NRXN3: variants seen among roughly 807,000 people sequenced by gnomAD.
NRXN3 encodes neurexin III.
Under a neutral mutation model 137.6 loss-of-function variants are expected in NRXN3, and 32 were observed. The ratio of observed to expected loss-of-function variants is 0.23; its 90% CI spans 0.18 to 0.31. The LOEUF (loss-of-function observed/expected upper bound fraction) is 0.31, where lower values mean the gene tolerates loss of function less well. Ranked by LOEUF, NRXN3 falls within the 10% of genes least tolerant of loss-of-function variation. The pLI is 1.00. For synonymous variants in NRXN3, 798 were observed against 784.5 expected, an observed-to-expected ratio of 1.02 and a Z score of -0.29; for missense variants, 1,574 against 2,062.5, an observed-to-expected ratio of 0.76 and a Z score of 4.59.
At position 79,333,028 on chromosome 14, in the gene NRXN3, C is replaced by T. The variant is rs145365090; in HGVS notation, c.3263-134193C>T. Reference sequence around the variant, plus strand: ...ATCCTACTTTCCCAGCACTCCCCTGCACCCCCCTGCTGTGTGCAAAGCTCC... The same window carrying T: ...ATCCTACTTTCCCAGCACTCCCCTGTACCCCCCTGCTGTGTGCAAAGCTCC... On this transcript the variant is annotated intron_variant, in intron 15 of 20. Transcript: ENST00000335750. 3.2e-4 allele frequency among the ~76,000 whole-genome samples: 48 copies of T among 152,250 alleles called. 1 individual carries two copies. In the East Asian group the frequency reaches 7.7e-3, roughly 24 times the overall value.
rs529032293 is a variant in NRXN3, at chr14:78,519,320, A to G, written c.758-125800A>G. Among the ~76,000 whole-genome samples, 5 of 152,260 alleles carry G rather than the reference A, an allele frequency of 3.3e-5. No individual in the cohort carries two copies. The East Asian group carries it at 9.7e-4, about 29-fold the overall frequency. On this transcript the variant is annotated intron_variant, in intron 4 of 20. Coordinates refer to ENST00000335750, the MANE Select transcript of NRXN3 (RefSeq NM_001330195.2). ...TTGGGCTCTGATAAGTATGTACGTA[A>G]TGATCAAATCCCCCACATTTACCAA...
At chr14:78,192,341 G>A (rs752393452) in intron 1 of NRXN3, among the ~76,000 whole-genome samples, 6 of 152,174 alleles carry the variant, frequency 3.9e-5, no homozygotes, top group African/African-American at 7.2e-5. Flanking sequence ...CTCAACTCAG[G>A]TAGTGGTACA....
At chr14:79,739,863 A>C (rs2098954951) in intron 19 of NRXN3, among the ~76,000 whole-genome samples, 1 of 152,084 alleles carries the variant, frequency 6.6e-6, no homozygotes, top group African/African-American at 2.4e-5. Flanking sequence ...TACCATCTTT[A>C]ATGTCTTTCA....
intron 1 of NRXN3, among the ~76,000 whole-genome samples, chr14:78,188,822 G>T (rs533045056): frequency 1.3e-5 from 2 of 152,092 alleles, no homozygotes; most frequent in African/African-American, 4.8e-5. Flanking sequence ...CTACGGGTTG[G>T]TTGGGAATAT....
intron 20 of NRXN3, among the ~76,000 whole-genome samples, chr14:79,830,857 T>C (rs565277748): frequency 3.5e-3 from 359 of 101,212 alleles, no homozygotes; most frequent in Non-Finnish European, 4.8e-3. Flanking sequence ...GAACTTTTAT[T>C]TGGTGCAAGG....
chr14:79,230,847 A>G (rs1223842224), intron 15 of NRXN3, among the ~76,000 whole-genome samples: 2 of 152,002 alleles, frequency 1.3e-5, no homozygotes, highest in Non-Finnish European at 1.5e-5. Flanking sequence ...CTGCTATTCA[A>G]TACTTCTGAG....
intron 15 of NRXN3, among the ~76,000 whole-genome samples, chr14:79,108,911 G>T (rs916169237): frequency 6.6e-6 from 1 of 152,110 alleles, no homozygotes; most frequent in Non-Finnish European, 1.5e-5. Context: ...TATCATTAGA[G>T]AAAACAAAAA....
intron 10 of NRXN3, among the ~76,000 whole-genome samples, chr14:78,956,371 C>G (rs1597866528): frequency 6.6e-6 from 1 of 152,148 alleles, no homozygotes; most frequent in Non-Finnish European, 1.5e-5. Flanking sequence ...GCCTCTTTGT[C>G]TCTCTTGCCA....
intron 9 of NRXN3, among the ~76,000 whole-genome samples, chr14:78,804,331 G>T (rs2098848316): frequency 6.6e-6 from 1 of 152,176 alleles, no homozygotes; most frequent in Non-Finnish European, 1.5e-5. Context: ...TGGTGGCCTT[G>T]ATGACACTGA....
At position 79,656,231 on chromosome 14, in the gene NRXN3, G is replaced by A. The variant is rs186299890; in HGVS notation, c.3445-7547G>A. On this transcript the variant is annotated intron_variant, in intron 16 of 20. Transcript: ENST00000335750. ...TTGAGATTTAGCGGGGAAACCGGAC[G>A]TTTATGGGAGACGTTCAGTCTGTAC... 4.3e-3 allele frequency among the ~76,000 whole-genome samples: 655 copies of A among 152,288 alleles called. 1 individual carries two copies. The highest frequency in any genetic ancestry group is 7.9e-3 in the Non-Finnish European group (538 of 68,012).
At chr14:79,557,965 G>A (rs1008229475) in intron 16 of NRXN3, among the ~76,000 whole-genome samples, 3 of 152,048 alleles carry the variant, frequency 2.0e-5, no homozygotes, top group African/African-American at 7.2e-5. Flanking sequence ...TACATCCTTT[G>A]TTGTCATTTC....
intron 10 of NRXN3, among the ~76,000 whole-genome samples, chr14:78,901,224 A>G (rs895071108): frequency 6.6e-6 from 1 of 150,666 alleles, no homozygotes; most frequent in Non-Finnish European, 1.5e-5. Context: ...TTCTTGAACC[A>G]TTTTTTTTTC....
At chr14:78,937,223 AAAAG>A (rs1188189973) in intron 10 of NRXN3, among the ~76,000 whole-genome samples, 1 of 151,976 alleles carries the variant, frequency 6.6e-6, no homozygotes, top group Non-Finnish European at 1.5e-5. Flanking sequence ...AAAGAAAAGA[AAAAG>A]AAAAAAATTT....
At chr14:79,417,756 C>T (rs768289278) in intron 15 of NRXN3, among the ~76,000 whole-genome samples, 26 of 152,036 alleles carry the variant, frequency 1.7e-4, no homozygotes, top group Non-Finnish European at 3.5e-4. Flanking sequence ...TTACCATCAG[C>T]GTATTTCTAT....
intron 8 of NRXN3, among the ~76,000 whole-genome samples, chr14:78,746,109 G>C (rs931170016): frequency 6.6e-6 from 1 of 152,164 alleles, no homozygotes; most frequent in African/African-American, 2.4e-5. Context: ...GTATTGACAG[G>C]CTTTGATTCT....
chr14:79,597,698 A>G (rs1290575272), intron 16 of NRXN3, among the ~76,000 whole-genome samples: 3 of 152,140 alleles, frequency 2.0e-5, no homozygotes, highest in Non-Finnish European at 4.4e-5. Flanking sequence ...CTTAGAGGCA[A>G]CTTGTTGAAA....
chr14:78,634,118 T>A (rs2097546756), intron 4 of NRXN3, among the ~76,000 whole-genome samples: 3 of 152,256 alleles, frequency 2.0e-5, no homozygotes, highest in Non-Finnish European at 4.4e-5. Flanking sequence ...CCAGCCTTGT[T>A]TGACTCTCTG....
intron 19 of NRXN3, among the ~76,000 whole-genome samples, chr14:79,797,381 GT>G (rs1484182840): frequency 6.6e-6 from 1 of 152,178 alleles, no homozygotes; most frequent in African/African-American, 2.4e-5. Flanking sequence ...TTGTAAGACA[GT>G]TTTAAAATTC....
chr14:79,168,362 A>G (rs1267533016), intron 15 of NRXN3, among the ~76,000 whole-genome samples: 1 of 152,060 alleles, frequency 6.6e-6, no homozygotes, highest in Non-Finnish European at 1.5e-5. Flanking sequence ...ATATTCACAT[A>G]TTAGATCTCA....
Sources: gnomAD v4.1 joint callset for allele counts (sites outside exome capture counted in the v4.1 genomes callset) on GRCh38, gnomAD v4.1.1 for gene constraint, MANE v1.5 for transcripts, NCBI Gene and HGNC (gene_info 2026-07-23, HGNC 2026-07-21) for gene names.